The following MGAT4C variants were observed in gnomAD, a reference collection of about 807,000 sequenced individuals.
MGAT4C encodes the protein MGAT4 family member C, also known as alpha-1,3-mannosyl-glycoprotein 4-beta-N-acetylglucosaminyltransferase C.
A neutral mutation model predicts 40.1 loss-of-function variants in MGAT4C; 19 were observed. The ratio of observed to expected loss-of-function variants is 0.47; its 90% confidence interval spans 0.33 to 0.70. The LOEUF (loss-of-function observed/expected upper bound fraction) is 0.70. Ranked by LOEUF, MGAT4C falls within the 30% of genes least tolerant of loss-of-function variation. The pLI is 0.02. For synonymous variants in MGAT4C, 181 were observed against 187.1 expected (o/e 0.97, Z 0.27); for missense variants, 491 against 563.2 (o/e 0.87, Z 1.30).
intron 2 of MGAT4C, among the ~76,000 whole-genome samples, chr12:86,668,826 T>C (rs1432061083): frequency 6.6e-6 from 1 of 152,162 alleles, no homozygotes; most frequent in Non-Finnish European, 1.5e-5. Flanking sequence ...GAATTAGAGC[T>C]AGTCTGTGTG....
At chr12:86,508,982 T>A (rs1958522458) in intron 2 of MGAT4C, among the ~76,000 whole-genome samples, 1 of 152,060 alleles carries the variant, frequency 6.6e-6, no homozygotes, top group South Asian at 2.1e-4. Flanking sequence ...TGAGTTAGGT[T>A]GCGAAAATTT....
chr12:86,166,046 T>G (rs1251804946), intron 1 of MGAT4C, among the ~76,000 whole-genome samples: 2 of 152,168 alleles, frequency 1.3e-5, no homozygotes, highest in African/African-American at 4.8e-5. Context: ...TGCAAGAAAA[T>G]AAATGTGCTT....
At chr12:86,371,366 T>G (rs1164221386) in intron 3 of MGAT4C, among the ~76,000 whole-genome samples, 2 of 152,010 alleles carry the variant, frequency 1.3e-5, no homozygotes, top group Non-Finnish European at 2.9e-5. Context: ...CAATCAATCT[T>G]CCATACTGCT....
chr12:86,217,802 A>C (rs1950728731), intron 1 of MGAT4C, among the ~76,000 whole-genome samples: 1 of 152,218 alleles, frequency 6.6e-6, no homozygotes, highest in African/African-American at 2.4e-5. Flanking sequence ...CGAAAAAGAA[A>C]GTATTTTTAG....
intron 2 of MGAT4C, among the ~76,000 whole-genome samples, chr12:86,508,220 T>C (rs927424501): frequency 2.7e-5 from 4 of 149,454 alleles, no homozygotes; most frequent in Admixed American, 2.0e-4. Flanking sequence ...TCCCCCACCA[T>C]ACGACAGTCC....
chr12:86,273,949 G>A (rs1953009066), intron 4 of MGAT4C, among the ~76,000 whole-genome samples: 1 of 152,176 alleles, frequency 6.6e-6, no homozygotes, highest in South Asian at 2.1e-4. Flanking sequence ...AATTTATAAA[G>A]AAAAGAGGCT....
At chr12:86,721,506 T>C (rs1950735909) in intron 2 of MGAT4C, among the ~76,000 whole-genome samples, 1 of 152,086 alleles carries the variant, frequency 6.6e-6, no homozygotes, top group Non-Finnish European at 1.5e-5. Flanking sequence ...TCCACTTTCC[T>C]CTCTTCTTTC....
At chr12:86,655,814 A>G (rs904015555) in intron 2 of MGAT4C, among the ~76,000 whole-genome samples, 2 of 152,118 alleles carry the variant, frequency 1.3e-5, no homozygotes, top group Admixed American at 1.3e-4. Context: ...GTGGAGTAAA[A>G]TAAGTGTCCC....
rs1565915608 is a variant in MGAT4C at position 86,054,363 on chromosome 12, A to AGCTTTTT, written c.-56-4641_-56-4640insAAAAAGC. On this transcript the variant is annotated intron_variant, in intron 1 of 4. Transcript: ENST00000611864. Reference sequence around the variant, plus strand: ...TTCTCACTAGTATGTGGGAGTTATTATAAAAAAGCTGAACTGATAAAAGTA... The same window carrying AGCTTTTT: ...TTCTCACTAGTATGTGGGAGTTATTAGCTTTTTTAAAAAAGCTGAACTGATAAAAGTA... Among the ~76,000 whole-genome samples the AGCTTTTT allele has an allele frequency of 3.3e-5, 5 of 152,156 alleles. 1 individual carries two copies. The highest frequency in any genetic ancestry group is 1.9e-4 in the East Asian group (1 of 5,174).
chr12:86,788,348 T>C (rs1593207838), intron 1 of MGAT4C, among the ~76,000 whole-genome samples: 1 of 151,590 alleles, frequency 6.6e-6, no homozygotes, highest in Non-Finnish European at 1.5e-5. Flanking sequence ...AACTATCCCT[T>C]GACACTGCAA....
At chr12:86,620,371 A>G (rs561945030) in intron 2 of MGAT4C, among the ~76,000 whole-genome samples, 112 of 152,208 alleles carry the variant, frequency 7.4e-4, no homozygotes, top group African/African-American at 2.5e-3. Flanking sequence ...ATATCCTGGA[A>G]TACTATTCAG....
At chr12:86,709,400 ATTAT>A (rs1241192306) in intron 2 of MGAT4C, among the ~76,000 whole-genome samples, 2 of 152,034 alleles carry the variant, frequency 1.3e-5, no homozygotes, top group Non-Finnish European at 2.9e-5. Flanking sequence ...ACAAATCTTT[ATTAT>A]TTATTTTGTA....
At chr12:86,149,273 T>C (rs545682992) in intron 1 of MGAT4C, among the ~76,000 whole-genome samples, 230 of 152,226 alleles carry the variant, frequency 1.5e-3, no homozygotes, top group African/African-American at 5.3e-3. Context: ...TTTAGTTGGG[T>C]TTCCATCTGC....
intron 1 of MGAT4C, among the ~76,000 whole-genome samples, chr12:86,123,707 G>A (rs1028903553): frequency 2.6e-5 from 4 of 152,016 alleles, no homozygotes; most frequent in African/African-American, 9.7e-5. Context: ...TAGTAAAAAC[G>A]ATTTGAGTCC....
At chr12:86,014,763 G>GA (rs1243349262) in intron 2 of MGAT4C, among the ~76,000 whole-genome samples, 17 of 151,940 alleles carry the variant, frequency 1.1e-4, no homozygotes, top group Non-Finnish European at 1.5e-4. Context: ...TGCATTTTAT[G>GA]AAAAAAATGA....
At chr12:86,755,596 C>CT (rs1951291146) in intron 1 of MGAT4C, among the ~76,000 whole-genome samples, 1 of 143,112 alleles carries the variant, frequency 7.0e-6, no homozygotes, top group African/African-American at 2.6e-5. Context: ...TTCTTTCTCT[C>CT]TTTCTCTCTC....
At chr12:86,002,646 A>G (rs1287478770) in intron 2 of MGAT4C, among the ~76,000 whole-genome samples, 1 of 150,024 alleles carries the variant, frequency 6.7e-6, no homozygotes, top group African/African-American at 2.4e-5. Flanking sequence ...TATAGAATAT[A>G]CATATATCCC....
intron 4 of MGAT4C, among the ~76,000 whole-genome samples, chr12:86,286,477 G>A (rs1042962797): frequency 6.6e-6 from 1 of 152,236 alleles, no homozygotes; most frequent in Non-Finnish European, 1.5e-5. Context: ...ACACTATTAA[G>A]CATGTACGTT....
chr12:86,404,265 C>T lies in MGAT4C; in HGVS notation c.-120+30892G>A, dbSNP rs1179270349. ...CAAAATGACAATAAAAATTACAAGA[C>T]ACTAAATTAATAAAGGCAAGTTTGC... On this transcript the variant is annotated intron_variant, in intron 3 of 7. Transcript: ENST00000548651. Among the ~76,000 whole-genome samples, 8 of 152,052 alleles carry T rather than the reference C, an allele frequency of 5.3e-5. No individual in the cohort carries two copies. The South Asian group carries it at 1.2e-3, about 24-fold the overall frequency.
Sources: gnomAD v4.1 joint callset for allele counts (sites outside exome capture counted in the v4.1 genomes callset) on GRCh38, gnomAD v4.1.1 for gene constraint, MANE v1.5 for transcripts, NCBI Gene and HGNC (gene_info 2026-07-23, HGNC 2026-07-21) for gene names.